Variants in CPNE3 observed in about 807,000 individuals in gnomAD.
The protein encoded by CPNE3 is copine 3, also known as copine-3.
In CPNE3, 68 loss-of-function variants were observed where a neutral mutation model predicts 63.9. That is an observed-to-expected ratio of 1.06 (90% CI 0.87 to 1.30). The LOEUF (loss-of-function observed/expected upper bound fraction) is 1.30. Among genes scored for constraint, CPNE3 ranks in the 50% most tolerant of loss-of-function variants. CPNE3 has a pLI of 0.00. For missense variants in CPNE3, 665 were observed against 578.1 expected (o/e 1.15, Z -1.54); for synonymous variants, 219 against 197.5 (o/e 1.11, Z -0.91).
At chr8:86,526,470 T>C (rs1820542809) in intron 2 of CPNE3, among the ~76,000 whole-genome samples, 1 of 151,778 alleles carries the variant, frequency 6.6e-6, no homozygotes. Flanking sequence ...TACTGTATAC[T>C]AGGCACATAT....
chr8:86,543,599 A>G (rs1176374984), intron 8 of CPNE3, among the ~76,000 whole-genome samples: 2 of 152,142 alleles, frequency 1.3e-5, no homozygotes, highest in East Asian at 1.9e-4. Flanking sequence ...AGGATTTCAA[A>G]GTGTCCTTAG....
intron 16 of CPNE3, among the ~76,000 whole-genome samples, chr8:86,557,253 C>T (rs145019331): frequency 6.6e-6 from 1 of 152,262 alleles, no homozygotes; most frequent in Non-Finnish European, 1.5e-5. Context: ...CATGCCTCAG[C>T]CTCCCGAATA....
intron 2 of CPNE3, among the ~76,000 whole-genome samples, chr8:86,516,771 C>T (rs900329425): frequency 6.6e-6 from 1 of 152,072 alleles, no homozygotes; most frequent in Non-Finnish European, 1.5e-5. Flanking sequence ...TTTTTTCTTA[C>T]TATTGTTAGA....
At chr8:86,532,731 A>G in intron 6 of CPNE3, 151 bp downstream of exon 6, 2 of 622,264 alleles carry the variant, frequency 3.2e-6, no homozygotes, top group Non-Finnish European at 5.7e-6. Context: ...TGTGTGTTGT[A>G]TGTTTAAGCA....
chr8:86,555,518 A>C (rs1341856399), intron 15 of CPNE3, among the ~76,000 whole-genome samples: 1 of 152,232 alleles, frequency 6.6e-6, no homozygotes, highest in East Asian at 1.9e-4. Flanking sequence ...ACATATGTTA[A>C]CTAATATTGT....
intron 10 of CPNE3, among the ~76,000 whole-genome samples, chr8:86,546,958 C>G (rs561539238): frequency 5.9e-5 from 9 of 152,276 alleles, no homozygotes; most frequent in Admixed American, 1.3e-4. Context: ...ATCCACCCAC[C>G]TTGGCCTCCC....
At chr8:86,554,315 AT>A (rs1821262692) in intron 14 of CPNE3, among the ~76,000 whole-genome samples, 1 of 152,220 alleles carries the variant, frequency 6.6e-6, no homozygotes, top group African/African-American at 2.4e-5. Flanking sequence ...CTGGAAGTGA[AT>A]ATTTGGAACT....
At chr8:86,550,249 TG>T (rs1181274845) in intron 12 of CPNE3, among the ~76,000 whole-genome samples, 3 of 151,890 alleles carry the variant, frequency 2.0e-5, no homozygotes, top group Non-Finnish European at 2.9e-5. Context: ...TGGGGAAAAA[TG>T]TGTCTTTCTT....
intron 1 of CPNE3, chr8:86,514,803 G>A (rs952901575): frequency 6.6e-6 from 1 of 152,114 alleles, no homozygotes; most frequent in African/African-American, 2.4e-5. Context: ...GCCCGGGCTC[G>A]GGGCTCAGCT....
chr8:86,528,921 T>C lies in CPNE3; in HGVS notation c.133-24T>C, dbSNP rs199627234. ...GTGCACCTTTGATCTGAAGAAACTT[T>C]TTTGTTTTTGCGGATGGGTGTAGGT... is the stretch of plus-strand genomic sequence containing the variant. On this transcript the variant is annotated intron_variant, in intron 3 of 16. Transcript: ENST00000517490. 13 of 1,587,564 alleles carry C rather than the reference T, an allele frequency of 8.2e-6. No individual in the cohort carries two copies. In the East Asian group the frequency reaches 2.9e-4, roughly 36 times the overall value.
intron 8 of CPNE3, among the ~76,000 whole-genome samples, chr8:86,543,092 A>G (rs1180401564): frequency 6.6e-6 from 1 of 152,080 alleles, no homozygotes; most frequent in Non-Finnish European, 1.5e-5. Context: ...TTTGTTTTCT[A>G]CCTTATCTAA....
chr8:86,558,468 C>T lies in CPNE3; in HGVS notation c.*58C>T, dbSNP rs1821371026. On this transcript the variant is annotated 3_prime_UTR_variant, in exon 17 of 17. Transcript: ENST00000517490. ...AGCAATGCCATCTCTCACCCCAAAT[C>T]GTGTATCTGTCATTCTACGTACTTT... 8.1e-6 allele frequency: 7 copies of T among 867,602 alleles called. No homozygotes were observed. The highest frequency in any genetic ancestry group is 2.6e-5 in the South Asian group (2 of 76,236). 53.7% of individuals were successfully genotyped at this position (867,602 alleles called of 1,614,324 possible). A position where few individuals can be genotyped will look rare whatever the true frequency, so the allele number is the denominator to read the frequency against.
At chr8:86,519,796 C>A (rs550197465) in intron 2 of CPNE3, among the ~76,000 whole-genome samples, 101 of 152,334 alleles carry the variant, frequency 6.6e-4, no homozygotes, top group Non-Finnish European at 1.5e-4. Flanking sequence ...TCACTGCAAC[C>A]TCCGCCTCCC....
intron 4 of CPNE3, among the ~76,000 whole-genome samples, chr8:86,529,564 A>G (rs1472217911): frequency 6.6e-6 from 1 of 152,174 alleles, no homozygotes; most frequent in Non-Finnish European, 1.5e-5. Flanking sequence ...ATTCCCCCTG[A>G]TAAACCTTCT....
At position 86,557,680 on chromosome 8, in the gene CPNE3, A is replaced by G. The variant is rs191470594; in HGVS notation, c.1492-608A>G. Among the ~76,000 whole-genome samples, 17 of 152,252 alleles carry G rather than the reference A, an allele frequency of 1.1e-4. No homozygotes were observed. In the East Asian group the frequency reaches 1.9e-3, roughly 17 times the overall value. On this transcript the variant is annotated intron_variant, in intron 16 of 16. Coordinates refer to ENST00000517490, the MANE Select transcript of CPNE3 (RefSeq NM_003909.5). ...GGTGTTGAGGCAGTTCTGTATCTCAATTGTGGTGGTGGTTAAACAGATCTA... is the reference window on the plus strand; with the variant it reads ...GGTGTTGAGGCAGTTCTGTATCTCAGTTGTGGTGGTGGTTAAACAGATCTA...
At chr8:86,516,280 C>T (rs1820307722) in intron 2 of CPNE3, among the ~76,000 whole-genome samples, 1 of 152,258 alleles carries the variant, frequency 6.6e-6, no homozygotes, top group Admixed American at 6.5e-5. Flanking sequence ...GGAGAGGAGG[C>T]TCCAGGACGG....
In CPNE3 at chr8:86,560,335, A is replaced by G. The variant is rs1238026472; in HGVS notation, c.*1925A>G. 6.6e-6 allele frequency: 1 copy of G among 152,102 alleles called. No individual in the cohort carries two copies. Among genetic ancestry groups the G allele is most frequent in the African/African-American group, 2.4e-5 (1 of 41,408 alleles). 9.4% of individuals were successfully genotyped at this position (152,102 alleles called of 1,614,324 possible). On this transcript the variant is annotated 3_prime_UTR_variant, in exon 17 of 17. Transcript: ENST00000517490. Reference sequence around the variant, plus strand: ...GCCTTTTAAAAAATGACTTACACATATTCTCAATGTACAGTAAAACAGACA... The same window carrying G: ...GCCTTTTAAAAAATGACTTACACATGTTCTCAATGTACAGTAAAACAGACA...
Position 86,554,958 on chromosome 8 carries a change from G to A in CPNE3, c.1228G>A (p.Ala410Thr), listed in dbSNP as rs754119542. 6.2e-7 allele frequency: 1 copy of A among 1,614,112 alleles called. No individual in the cohort carries two copies. The highest frequency in any genetic ancestry group is 2.2e-5 in the East Asian group (1 of 44,882). The change falls in exon 15 of 17, where the codon GCA (alanine) becomes ACA (threonine). Residue 410 changes from alanine to threonine, a missense_variant. Coordinates refer to ENST00000517490, the MANE Select transcript of CPNE3 (RefSeq NM_003909.5). ...IINHVARFAA[A>T]ATQQQTASQY... The stretch of plus-strand genomic sequence containing the variant: ...AAATCACGTGGCCAGGTTTGCTGCT[G>A]CAGCCACGCAACAGCAGACAGCTTC...
chr8:86,532,549 T>C lies in CPNE3; in HGVS notation c.428T>C (p.Phe143Ser). 1.9e-6 allele frequency: 3 copies of C among 1,613,318 alleles called. No homozygotes were observed. Among genetic ancestry groups the C allele is most frequent in the Non-Finnish European group, 2.5e-6 (3 of 1,179,626 alleles). ...EEIKDNRVVL[F>S]EMEARKLDNK... is the part of the protein sequence containing the mutation. ...ATAAAAGATAATAGAGTGGTCTTGTTTGAAATGGAAGCCAGAAAACTGGAT... is the reference window on the plus strand; with the variant it reads ...ATAAAAGATAATAGAGTGGTCTTGTCTGAAATGGAAGCCAGAAAACTGGAT... The change falls in exon 6 of 17, where the codon TTT becomes TCT. Residue 143 changes from phenylalanine to serine, a missense_variant. Transcript: ENST00000517490.
Sources: allele counts gnomAD v4.1 joint callset (sites outside exome capture counted in the v4.1 genomes callset), GRCh38; gene constraint gnomAD v4.1.1; transcripts MANE v1.5; gene names NCBI Gene and HGNC (gene_info 2026-07-23, HGNC 2026-07-21).